FKBP10: variants seen among roughly 807,000 people sequenced by gnomAD.
FKBP10 encodes FKBP prolyl isomerase 10.
In FKBP10, 34 loss-of-function variants were observed where a neutral mutation model predicts 53.7. The observed-to-expected ratio is 0.63, with a 90% CI of 0.48 to 0.84. FKBP10 has a LOEUF of 0.84. FKBP10 is among the 40% of genes least tolerant of loss of function. The pLI is 0.00. For synonymous variants in FKBP10, 324 were observed against 335.7 expected, an observed-to-expected ratio of 0.97 and a Z score of 0.38; for missense variants, 748 against 797.8, an observed-to-expected ratio of 0.94 and a Z score of 0.75.
At chr17:41,821,944 A>G in intron 9 of FKBP10, 127 bp downstream of exon 9, 1 of 1,193,162 alleles carries the variant, frequency 8.4e-7, no homozygotes, top group Non-Finnish European at 1.2e-6. Context: ...GCTGAGTCCC[A>G]CGCCTCAGGC....
chr17:41,820,907 G>A (rs1555616929), intron 7 of FKBP10, 40 bp from the exon 8 acceptor site: 4 of 1,604,296 alleles, frequency 2.5e-6, no homozygotes, highest in Non-Finnish European at 3.4e-6. Context: ...GCTGGCAGGG[G>A]ACAGGGTGGC....
At chr17:41,819,842 C>T (rs1248556782) in intron 6 of FKBP10, 167 bp downstream of exon 6, 7 of 1,538,710 alleles carry the variant, frequency 4.5e-6, no homozygotes, top group Non-Finnish European at 6.1e-6. Flanking sequence ...GCCACACAGA[C>T]TCCATCGGTT....
Position 41,818,408 on chromosome 17 carries a change from C to T in FKBP10, c.608C>T (p.Thr203Ile). Residue 203 changes from threonine (T) to isoleucine (I), a missense_variant, in exon 4 of 10, where the codon ACC (threonine) becomes ATC (isoleucine). Physicochemically the swap from Thr to Ile is moderately conservative, Grantham distance 89. Coordinates refer to ENST00000321562, the MANE Select transcript of FKBP10 (RefSeq NM_021939.4). ...TSYSKGGTYD[T>I]YVGSGWLIKG... Reference sequence around the variant, plus strand: ...TACAGTAAGGGCGGCACTTATGACACCTACGTCGGCTCTGGTTGGCTGATC... The same window carrying T: ...TACAGTAAGGGCGGCACTTATGACATCTACGTCGGCTCTGGTTGGCTGATC... The T allele has an allele frequency of 6.2e-7, 1 of 1,614,218 alleles. No homozygotes were observed. Among genetic ancestry groups the T allele is most frequent in the Non-Finnish European group, 8.5e-7 (1 of 1,180,038 alleles).
At chr17:41,817,479 A>C (rs1315182009) in intron 2 of FKBP10, among the ~76,000 whole-genome samples, 1 of 151,964 alleles carries the variant, frequency 6.6e-6, no homozygotes, top group Non-Finnish European at 1.5e-5. Flanking sequence ...AAAATAAAAT[A>C]AATTATCCAG....
At chr17:41,819,919 A>G in intron 6 of FKBP10, 2 of 1,539,068 alleles carry the variant, frequency 1.3e-6, no homozygotes, top group Non-Finnish European at 1.8e-6. Context: ...TTGGGGAGGG[A>G]GGGTGGTTAT....
At chr17:41,820,763 G>A in intron 7 of FKBP10, 184 bp from the exon 8 acceptor site, 1 of 840,242 alleles carries the variant, frequency 1.2e-6, no homozygotes, top group Non-Finnish European at 1.8e-6. Flanking sequence ...AGGGGGCAGA[G>A]GCAAGATGAG....
At position 41,821,705 on chromosome 17, in the gene FKBP10, C is replaced by T; in HGVS notation, c.1451C>T (p.Ser484Phe). The T allele has an allele frequency of 6.2e-7, 1 of 1,614,112 alleles. No homozygotes were observed. Among genetic ancestry groups the T allele is most frequent in the East Asian group, 2.2e-5 (1 of 44,852 alleles). ...AVLLFEVELV[S>F]REDGLPTGYL... ...CTGCTGTTTGAGGTGGAGCTGGTGT[C>T]CCGGGAGGATGGGCTGCCCACAGGC... Residue 484 changes from serine (S) to phenylalanine (F), a missense_variant, in exon 9 of 10, where the codon TCC (serine) becomes TTC (phenylalanine). Transcript: ENST00000321562.
At position 41,822,137 on chromosome 17, in the gene FKBP10, G is replaced by A. The variant is rs868963201; in HGVS notation, c.1564-86G>A. On this transcript the variant is annotated intron_variant, in intron 9 of 9. Transcript: ENST00000321562. ...CCTGGGAAAAAAGAAGAAAAAGAAAGCACTCACTGGCCTCCACCCGGGGCC... is the reference window on the plus strand; with the variant it reads ...CCTGGGAAAAAAGAAGAAAAAGAAAACACTCACTGGCCTCCACCCGGGGCC... The A allele has an allele frequency of 7.0e-6, 9 of 1,291,228 alleles. No individual in the cohort carries two copies. In the South Asian group the frequency reaches 1.1e-4, roughly 16 times the overall value. 80.0% of individuals were successfully genotyped at this position (1,291,228 alleles called of 1,614,324 possible). A position where few individuals can be genotyped will look rare whatever the true frequency, so the allele number is the denominator to read the frequency against.
chr17:41,818,484 G>A lies in FKBP10; in HGVS notation c.684G>A (p.Lys228=), dbSNP rs369189363. 3 of 1,614,088 alleles carry A rather than the reference G, an allele frequency of 1.9e-6. No individual in the cohort carries two copies. In the African/African-American group the frequency reaches 4.0e-5, roughly 22 times the overall value. Residue 228 remains lysine (K), a synonymous_variant, in exon 4 of 10, where the codon AAG becomes AAA. Coordinates refer to ENST00000321562, the MANE Select transcript of FKBP10 (RefSeq NM_021939.4). The stretch of plus-strand genomic sequence containing the variant: ...GCATGTGTCCTGGAGAGAGAAGGAA[G>A]ATTATCATCCCTCCATTCCTGGCCT... ...LLGMCPGERR[K]IIIPPFLAYG...
intron 1 of FKBP10, 32 bp downstream of exon 1, chr17:41,813,311 A>C (rs1555615716): frequency 6.2e-7 from 1 of 1,612,622 alleles, no homozygotes; most frequent in South Asian, 1.1e-5. Flanking sequence ...CGGATTCACC[A>C]CTCCGTCCCC....
At chr17:41,822,034 G>T (rs753292433) in intron 9 of FKBP10, among the ~76,000 whole-genome samples, 189 bp from the exon 10 acceptor site, 12 of 151,780 alleles carry the variant, frequency 7.9e-5, no homozygotes, top group African/African-American at 2.9e-4. Context: ...CCCATGCCAC[G>T]CCTCCACCCC....
Position 41,821,754 on chromosome 17 carries a change from C to A in FKBP10, c.1500C>A (p.Asp500Glu). Residue 500 changes from aspartate to glutamate, a missense_variant, in exon 9 of 10, where the codon GAC becomes GAA. Transcript: ENST00000321562. ...GCTACCTGTTTGTGTGGCACAAGGA[C>A]CCTCCTGCCAACCTGTTTGAAGACA... Reference protein sequence around the residue: ...PTGYLFVWHKDPPANLFEDMD... With the variant: ...PTGYLFVWHKEPPANLFEDMD... 6.2e-7 allele frequency: 1 copy of A among 1,614,172 alleles called. No homozygotes were observed. Among genetic ancestry groups the A allele is most frequent in the Non-Finnish European group, 8.5e-7 (1 of 1,180,026 alleles).
intron 9 of FKBP10, 57 bp from the exon 10 acceptor site, chr17:41,822,166 G>T: frequency 6.4e-7 from 1 of 1,552,506 alleles, no homozygotes; most frequent in South Asian, 1.1e-5. Flanking sequence ...CGGGGCCCCT[G>T]CCCCTCCCAA....
At chr17:41,815,646 G>C (rs1240530945) in intron 1 of FKBP10, among the ~76,000 whole-genome samples, 1 of 147,060 alleles carries the variant, frequency 6.8e-6, no homozygotes, top group Admixed American at 6.8e-5. Context: ...TAGTAGAGAC[G>C]GGGTTTCACC....
Position 41,819,629 on chromosome 17 carries a change from G to A in FKBP10, c.1017G>A (p.Arg339=), listed in dbSNP as rs1555616684. The part of the protein sequence containing the change: ...GLQGACMGER[R]RITIPPHLAY... ...AGGGTGCCTGCATGGGGGAACGCCG[G>A]AGAATTACCATCCCCCCGCACCTCG... Residue 339 remains arginine, a synonymous_variant, in exon 6 of 10, where the codon CGG becomes CGA. Coordinates refer to ENST00000321562, the MANE Select transcript of FKBP10 (RefSeq NM_021939.4). 6.2e-7 allele frequency: 1 copy of A among 1,612,578 alleles called. No homozygotes were observed. Among genetic ancestry groups the A allele is most frequent in the Non-Finnish European group, 8.5e-7 (1 of 1,179,556 alleles).
At chr17:41,820,017 C>T in intron 6 of FKBP10, 1 of 1,492,074 alleles carries the variant, frequency 6.7e-7, no homozygotes. Flanking sequence ...CCATGCTGAT[C>T]CGCAGGGTAA....
intron 7 of FKBP10, chr17:41,820,744 C>A: frequency 1.3e-6 from 1 of 757,602 alleles, no homozygotes; most frequent in Non-Finnish European, 2.1e-6. Flanking sequence ...GCCCTCGAGG[C>A]CACACTTTAG....
rs2047766679 is a variant in FKBP10, at chr17:41,813,041, C to T, written c.7C>T (p.Pro3Ser). MF[P>S]AGPPSHSLLR... ...GGTCCCAACTCCAGGCACCATGTTC[C>T]CCGCGGGCCCCCCCAGCCACAGCCT... Residue 3 changes from proline (P) to serine (S), a missense_variant, in exon 1 of 10, where the codon CCC becomes TCC. By Grantham distance (74) the Pro-to-Ser change is moderately conservative. Coordinates refer to ENST00000321562, the MANE Select transcript of FKBP10 (RefSeq NM_021939.4). 2 of 1,609,822 alleles carry T rather than the reference C, an allele frequency of 1.2e-6. No individual in the cohort carries two copies. Among genetic ancestry groups the T allele is most frequent in the Non-Finnish European group, 1.7e-6 (2 of 1,179,548 alleles).
chr17:41,819,298 G>T lies in FKBP10; in HGVS notation c.816G>T (p.Thr272=). 6.2e-7 allele frequency: 1 copy of T among 1,614,128 alleles called. No homozygotes were observed. Among genetic ancestry groups the T allele is most frequent in the Non-Finnish European group, 8.5e-7 (1 of 1,180,030 alleles). ...HNPKDAVQLE[T]LELPPGCVRR... ...CGAAGGACGCTGTCCAGCTAGAGAC[G>T]CTGGAGCTCCCCCCCGGCTGTGTCC... Residue 272 remains threonine, a synonymous_variant, in exon 5 of 10, where the codon ACG becomes ACT. Transcript: ENST00000321562.
Sources: allele counts gnomAD v4.1 joint callset (sites outside exome capture counted in the v4.1 genomes callset), GRCh38; gene constraint gnomAD v4.1.1; transcripts MANE v1.5; gene names NCBI Gene and HGNC (gene_info 2026-07-23, HGNC 2026-07-21).